SPOCK1: variants seen among roughly 807,000 people sequenced by gnomAD.
The protein encoded by SPOCK1 is SPARC (osteonectin), cwcv and kazal like domains proteoglycan 1, also known as testican-1.
In SPOCK1, 23 loss-of-function variants were observed where a neutral mutation model predicts 55.3. The ratio of observed to expected loss-of-function variants is 0.42; its 90% CI spans 0.30 to 0.59. The LOEUF (loss-of-function observed/expected upper bound fraction) is 0.59, where lower values mean the gene tolerates loss of function less well. Among genes scored for constraint, SPOCK1 ranks in the 20% least tolerant of loss-of-function variants. The pLI, the probability that SPOCK1 is intolerant of heterozygous loss-of-function variation, is 0.22. For synonymous variants in SPOCK1, 226 were observed against 221.0 expected, an observed-to-expected ratio of 1.02 and a Z score of -0.20; for missense variants, 499 against 552.5, an observed-to-expected ratio of 0.90 and a Z score of 0.97.
At chr5:137,271,094 A>G (rs905694480) in intron 2 of SPOCK1, among the ~76,000 whole-genome samples, 4 of 152,032 alleles carry the variant, frequency 2.6e-5, no homozygotes, top group African/African-American at 9.7e-5. Flanking sequence ...GTCCAGGATG[A>G]AGGAGGAGGG....
intron 5 of SPOCK1, among the ~76,000 whole-genome samples, chr5:137,068,042 G>A (rs1301435079): frequency 2.0e-5 from 3 of 152,126 alleles, no homozygotes; most frequent in Admixed American, 2.0e-4. Flanking sequence ...AAAACACTGT[G>A]GAAGCCCTAG....
chr5:137,089,454 C>A (rs895159255), intron 5 of SPOCK1, among the ~76,000 whole-genome samples: 1 of 152,140 alleles, frequency 6.6e-6, no homozygotes, highest in Non-Finnish European at 1.5e-5. Flanking sequence ...CCAGCTACAA[C>A]ATGATAGCAG....
intron 2 of SPOCK1, among the ~76,000 whole-genome samples, chr5:137,443,132 G>T (rs1388234641): frequency 2.0e-5 from 3 of 152,062 alleles, no homozygotes; most frequent in Non-Finnish European, 2.9e-5. Context: ...TGCCACTTTG[G>T]CTGGACAGCT....
rs1046044067 is a variant in SPOCK1 at position 137,224,076 on chromosome 5, T to C, written c.232+42934A>G. Among the ~76,000 whole-genome samples, 4 of 152,150 alleles carry C rather than the reference T, an allele frequency of 2.6e-5. No homozygotes were observed. In the South Asian group the frequency reaches 6.2e-4, roughly 24 times the overall value. On this transcript the variant is annotated intron_variant, in intron 3 of 10. Coordinates refer to ENST00000394945, the MANE Select transcript of SPOCK1 (RefSeq NM_004598.4). ...TATAACAGATGCTAAACAAACTTAC[T>C]CTCCAAGGGAGAGGCTGGTTCTTTG... is the stretch of plus-strand genomic sequence containing the variant.
intron 2 of SPOCK1, among the ~76,000 whole-genome samples, chr5:137,356,901 C>T (rs532314301): frequency 8.1e-6 from 1 of 123,952 alleles, no homozygotes; most frequent in Admixed American, 8.7e-5. Flanking sequence ...AGGGGGCCAG[C>T]TACTTACTAT....
chr5:137,021,282 T>C (rs1168162125), intron 6 of SPOCK1, among the ~76,000 whole-genome samples: 4 of 152,156 alleles, frequency 2.6e-5, no homozygotes, highest in Non-Finnish European at 4.4e-5. Context: ...TACGATATGA[T>C]TCCATCTACA....
At chr5:137,489,647 T>A (rs1312046979) in intron 2 of SPOCK1, among the ~76,000 whole-genome samples, 1 of 152,250 alleles carries the variant, frequency 6.6e-6, no homozygotes, top group African/African-American at 2.4e-5. Context: ...TGTGCCTCAC[T>A]TTTTGCAGTT....
chr5:137,237,473 G>T (rs906215239), intron 3 of SPOCK1, among the ~76,000 whole-genome samples: 23 of 152,282 alleles, frequency 1.5e-4, no homozygotes, highest in African/African-American at 5.3e-4. Context: ...TAAGACCTCT[G>T]CCTGGACTGA....
intron 2 of SPOCK1, among the ~76,000 whole-genome samples, chr5:137,468,109 C>T (rs1271460876): frequency 6.6e-6 from 1 of 152,134 alleles, no homozygotes; most frequent in Non-Finnish European, 1.5e-5. Context: ...GATCTCACTC[C>T]AATGGATTGC....
chr5:137,273,866 A>AG (rs1160874014), intron 2 of SPOCK1, among the ~76,000 whole-genome samples: 3 of 152,224 alleles, frequency 2.0e-5, no homozygotes, highest in Non-Finnish European at 2.9e-5. Flanking sequence ...AAATAGCTTG[A>AG]GGGGTCCTCA....
chr5:137,006,435 GTATTC>G (rs1415798604), intron 6 of SPOCK1, among the ~76,000 whole-genome samples: 3 of 152,128 alleles, frequency 2.0e-5, no homozygotes, highest in Non-Finnish European at 4.4e-5. Context: ...CTTATAAGTT[GTATTC>G]CTAGGTATTT....
intron 6 of SPOCK1, among the ~76,000 whole-genome samples, chr5:136,994,179 A>T (rs1455384663): frequency 6.6e-6 from 1 of 152,218 alleles, no homozygotes; most frequent in Non-Finnish European, 1.5e-5. Context: ...TCTGCAAAGC[A>T]TGGAATGAAT....
chr5:136,975,785 G>A lies in SPOCK1; in HGVS notation c.*2869C>T, dbSNP rs1750599926. On this transcript the variant is annotated 3_prime_UTR_variant, in exon 11 of 11. Coordinates refer to ENST00000394945, the MANE Select transcript of SPOCK1 (RefSeq NM_004598.4). ...CAGTATTAAGGTATTCTCATGCCTA[G>A]AATATTGGTAGAAACAAGAATACAT... 2 of 152,156 alleles carry A rather than the reference G, an allele frequency of 1.3e-5. 1 individual carries two copies. Among genetic ancestry groups the A allele is most frequent in the South Asian group, 4.1e-4 (2 of 4,822 alleles). 9.4% of individuals were successfully genotyped at this position (152,156 alleles called of 1,614,324 possible).
At chr5:137,425,501 G>T (rs1161395401) in intron 2 of SPOCK1, among the ~76,000 whole-genome samples, 1 of 151,664 alleles carries the variant, frequency 6.6e-6, no homozygotes, top group Non-Finnish European at 1.5e-5. Flanking sequence ...TGAAGCAAAT[G>T]ACAACTCTAA....
Position 136,977,742 on chromosome 5 carries a change from T to C in SPOCK1, c.*912A>G. ...GAAAAGTGATTTAGGCAGACGGAGGTTTTTTCTCAATCAGAGGCTTTCAGT... is the reference window on the plus strand; with the variant it reads ...GAAAAGTGATTTAGGCAGACGGAGGCTTTTTCTCAATCAGAGGCTTTCAGT... On this transcript the variant is annotated 3_prime_UTR_variant, in exon 11 of 11. Coordinates refer to ENST00000394945, the MANE Select transcript of SPOCK1 (RefSeq NM_004598.4). 1 of 398,140 alleles carries C rather than the reference T, an allele frequency of 2.5e-6. No individual in the cohort carries two copies. Among genetic ancestry groups the C allele is most frequent in the Non-Finnish European group, 4.4e-6 (1 of 225,886 alleles). The allele number at this position is 398,140 out of a possible 1,614,324, so 24.7% of individuals were successfully genotyped here. A position where few individuals can be genotyped will look rare whatever the true frequency, so the allele number is the denominator to read the frequency against.
At chr5:137,444,756 G>A (rs562283018) in intron 2 of SPOCK1, among the ~76,000 whole-genome samples, 1 of 152,196 alleles carries the variant, frequency 6.6e-6, no homozygotes, top group Non-Finnish European at 1.5e-5. Flanking sequence ...GAGTGTGCAC[G>A]CAGGGCTATA....
intron 3 of SPOCK1, among the ~76,000 whole-genome samples, chr5:137,191,128 C>CAGG (rs1181210432): frequency 6.6e-6 from 1 of 152,200 alleles, no homozygotes; most frequent in African/African-American, 2.4e-5. Flanking sequence ...CCAGAAACAA[C>CAGG]AGGATATGGG....
chr5:136,998,197 A>G (rs1751082424), intron 6 of SPOCK1, among the ~76,000 whole-genome samples: 1 of 152,132 alleles, frequency 6.6e-6, no homozygotes, highest in African/African-American at 2.4e-5. Context: ...GCCTGAGGAG[A>G]TGCTTGTGAT....
rs57862379 is a variant in SPOCK1, at chr5:137,261,830, C to A, written c.232+5180G>T. The stretch of plus-strand genomic sequence containing the variant: ...TCTCCAGCCATTAGTCCTACAGTGG[C>A]TTGTCTCCTCTAGTGGAACTTCATA... On this transcript the variant is annotated intron_variant, in intron 3 of 10. Coordinates refer to ENST00000394945, the MANE Select transcript of SPOCK1 (RefSeq NM_004598.4). Among the ~76,000 whole-genome samples the A allele has an allele frequency of 6.5e-3, 983 of 152,326 alleles. 23 individuals are homozygous for A. Among genetic ancestry groups the A allele is most frequent in the African/African-American group, 0.022 (918 of 41,576 alleles).
Sources: allele counts gnomAD v4.1 joint callset (sites outside exome capture counted in the v4.1 genomes callset), GRCh38; gene constraint gnomAD v4.1.1; transcripts MANE v1.5; gene names NCBI Gene and HGNC (gene_info 2026-07-23, HGNC 2026-07-21).